The following UBE3D variants were observed in gnomAD, a reference collection of about 807,000 sequenced individuals.
The protein encoded by UBE3D is E3 ubiquitin-protein ligase E3D.
A neutral mutation model predicts 49.6 loss-of-function variants in UBE3D; 48 were observed. The ratio of observed to expected loss-of-function variants is 0.97; its 90% CI spans 0.77 to 1.23. The LOEUF is 1.23. UBE3D is among the 50% of genes most tolerant of loss of function. The pLI is 0.00. For synonymous variants in UBE3D, 189 were observed against 174.2 expected (o/e 1.08, Z -0.67); for missense variants, 452 against 468.4 (o/e 0.96, Z 0.32).
chr6:82,995,036 G>A (rs747785473), intron 8 of UBE3D, among the ~76,000 whole-genome samples: 1 of 152,148 alleles, frequency 6.6e-6, no homozygotes, highest in African/African-American at 2.4e-5. Flanking sequence ...TAGCAAAGGG[G>A]AAGAAGAAGG....
At chr6:83,063,412 TAAAAAAA>T (rs201669450) in intron 1 of UBE3D, among the ~76,000 whole-genome samples, 6 of 45,482 alleles carry the variant, frequency 1.3e-4, no homozygotes, top group East Asian at 4.4e-4. Context: ...AGACGCTGTC[TAAAAAAA>T]AAAAAAAAAA....
chr6:83,020,404 T>C (rs921867629), intron 7 of UBE3D, among the ~76,000 whole-genome samples: 18 of 151,434 alleles, frequency 1.2e-4, no homozygotes, highest in African/African-American at 4.4e-4. Context: ...TAGTTGTATA[T>C]GGAAAGAATA....
intron 9 of UBE3D, among the ~76,000 whole-genome samples, chr6:82,938,979 C>A (rs748384420): frequency 6.6e-6 from 1 of 151,692 alleles, no homozygotes; most frequent in Non-Finnish European, 1.5e-5. Flanking sequence ...CTCAGCAGTT[C>A]GAGGCTGCAG....
intron 8 of UBE3D, among the ~76,000 whole-genome samples, chr6:82,968,303 C>G (rs1042220125): frequency 6.6e-5 from 10 of 151,592 alleles, no homozygotes; most frequent in African/African-American, 2.4e-4. Context: ...ACCTCCCTCA[C>G]CTCTCCCTAT....
At chr6:83,017,892 T>A (rs1024624927) in intron 8 of UBE3D, 8 of 152,018 alleles carry the variant, frequency 5.3e-5, no homozygotes, top group Non-Finnish European at 1.5e-5. Flanking sequence ...TTATAGTACC[T>A]CCATTTCATA....
In UBE3D at chr6:82,957,317, A is replaced by T; in HGVS notation, c.1144T>A (p.Phe382Ile). The T allele has an allele frequency of 6.2e-7, 1 of 1,613,616 alleles. No individual in the cohort carries two copies. The highest frequency in any genetic ancestry group is 8.5e-7 in the Non-Finnish European group (1 of 1,179,904). Residue 382 changes from phenylalanine (F) to isoleucine (I), a missense_variant, in exon 9 of 10, where the codon TTT (phenylalanine) becomes ATT (isoleucine). Phe to Ile is a conservative substitution (Grantham distance 21). Coordinates refer to ENST00000369747, the MANE Select transcript of UBE3D (RefSeq NM_198920.3). The part of the protein sequence containing the change: ...LPSSLRRVNS[F>I]QVAFLKM ...GAAAAGAAGCCATTGCTCACCTGAA[A>T]GGAATTCACACGGCGAAGGGATGAA... is the stretch of plus-strand genomic sequence containing the variant.
chr6:83,041,684 GA>G (rs1782680634), intron 4 of UBE3D, among the ~76,000 whole-genome samples: 1 of 151,264 alleles, frequency 6.6e-6, no homozygotes, highest in Admixed American at 6.6e-5. Flanking sequence ...ATTTTTCTAA[GA>G]AAACAAAAAA....
chr6:82,957,536 T>G, intron 8 of UBE3D, 86 bp from the exon 9 acceptor site: 1 of 1,461,134 alleles, frequency 6.8e-7, no homozygotes. Flanking sequence ...AACTCAATTG[T>G]GAGAGAAAAA....
rs149278216 is a variant in UBE3D, at chr6:83,051,871, C to A, written c.365+2277G>T. Among the ~76,000 whole-genome samples the A allele has an allele frequency of 2.7e-3, 416 of 152,312 alleles. 1 individual carries two copies. Among genetic ancestry groups the A allele is most frequent in the African/African-American group, 9.1e-3 (379 of 41,570 alleles). ...ATGCCAGAGTAACTCTGTGCCATCTCATCTACCTGGGACACTGACAGAAAT... is the reference window on the plus strand; with the variant it reads ...ATGCCAGAGTAACTCTGTGCCATCTAATCTACCTGGGACACTGACAGAAAT... On this transcript the variant is annotated intron_variant, in intron 3 of 9. Transcript: ENST00000369747.
At chr6:83,043,978 T>C (rs938980086) in intron 4 of UBE3D, among the ~76,000 whole-genome samples, 7 of 152,228 alleles carry the variant, frequency 4.6e-5, no homozygotes, top group Non-Finnish European at 7.3e-5. Flanking sequence ...TCTTTTTACT[T>C]GATGACATCT....
intron 5 of UBE3D, chr6:83,037,179 C>T (rs1012128358): frequency 6.5e-6 from 1 of 152,720 alleles, no homozygotes; most frequent in African/African-American, 2.4e-5. Flanking sequence ...CTGCTGCCTC[C>T]AAATTCTGAC....
chr6:82,931,315 T>C (rs1161255311), intron 9 of UBE3D, among the ~76,000 whole-genome samples: 2 of 152,202 alleles, frequency 1.3e-5, no homozygotes, highest in Non-Finnish European at 2.9e-5. Flanking sequence ...GAGGGAAATG[T>C]GGGGTCGGAG....
intron 9 of UBE3D, among the ~76,000 whole-genome samples, chr6:82,914,219 T>A (rs1228167562): frequency 6.6e-6 from 1 of 152,238 alleles, no homozygotes; most frequent in African/African-American, 2.4e-5. Context: ...GTGAAAAAGA[T>A]GCAGTCTGAC....
chr6:82,923,528 A>G (rs293502), intron 9 of UBE3D, among the ~76,000 whole-genome samples: 102,168 of 151,854 alleles, frequency 0.67, 34,867 homozygotes, highest in East Asian at 0.79. Flanking sequence ...ATGGACACAG[A>G]GAGGGGAACA....
In UBE3D at chr6:82,973,459, A is replaced by G. The variant is rs1306662575; in HGVS notation, c.1011-16009T>C. Among the ~76,000 whole-genome samples the G allele has an allele frequency of 2.0e-5, 3 of 152,136 alleles. No homozygotes were observed. The East Asian group carries it at 5.8e-4, about 29-fold the overall frequency. On this transcript the variant is annotated intron_variant, in intron 8 of 9. Transcript: ENST00000369747. ...AGTTGAAGAGAAAAATGTTTGCTAAATTTTTCCGAGGTAGAACAAAATATT... is the reference window on the plus strand; with the variant it reads ...AGTTGAAGAGAAAAATGTTTGCTAAGTTTTTCCGAGGTAGAACAAAATATT...
intron 4 of UBE3D, among the ~76,000 whole-genome samples, chr6:83,041,906 G>A (rs73481053): frequency 0.13 from 19,434 of 151,882 alleles, 2,413 homozygotes; most frequent in African/African-American, 0.32. Context: ...CATCCTTATC[G>A]TCTATTATAT....
chr6:83,046,067 C>T (rs1485272220), intron 3 of UBE3D, among the ~76,000 whole-genome samples: 2 of 152,104 alleles, frequency 1.3e-5, no homozygotes, highest in Non-Finnish European at 2.9e-5. Flanking sequence ...TTTCTCATCA[C>T]ATCAAATCAG....
chr6:83,019,649 TG>T (rs1377617707), intron 7 of UBE3D, among the ~76,000 whole-genome samples: 1 of 152,120 alleles, frequency 6.6e-6, no homozygotes, highest in Non-Finnish European at 1.5e-5. Flanking sequence ...GGGATTTGGA[TG>T]CATGTGATTC....
At chr6:82,898,603 C>T (rs1271594830) in intron 9 of UBE3D, among the ~76,000 whole-genome samples, 1 of 151,858 alleles carries the variant, frequency 6.6e-6, no homozygotes, top group Non-Finnish European at 1.5e-5. Flanking sequence ...CACATATTCT[C>T]ACTCATAAGT....
Sources: allele counts gnomAD v4.1 joint callset (sites outside exome capture counted in the v4.1 genomes callset), GRCh38; gene constraint gnomAD v4.1.1; transcripts MANE v1.5; gene names NCBI Gene and HGNC (gene_info 2026-07-23, HGNC 2026-07-21).